PLA2G4E: variants seen among roughly 807,000 people sequenced by gnomAD.
PLA2G4E encodes the protein phospholipase A2 group IVE, also known as cytosolic phospholipase A2 epsilon.
A neutral mutation model predicts 109.1 loss-of-function variants in PLA2G4E; 84 were observed. The observed-to-expected ratio is 0.77, with a 90% CI of 0.65 to 0.92. The LOEUF is 0.92. PLA2G4E is among the 40% of genes least tolerant of loss of function. The pLI is 0.00. For missense variants in PLA2G4E, 1,057 were observed against 1,076.6 expected (o/e 0.98, Z 0.25); for synonymous variants, 469 against 436.1 (o/e 1.08, Z -0.94).
intron 7 of PLA2G4E, 43 bp from the exon 8 acceptor site, chr15:42,000,325 C>A: frequency 6.6e-7 from 1 of 1,514,180 alleles, no homozygotes; most frequent in South Asian, 1.3e-5. Flanking sequence ...GAGCCTCTCA[C>A]TACCCACCTG....
chr15:42,047,474 A>G (rs752288268), intron 1 of PLA2G4E, among the ~76,000 whole-genome samples: 1 of 152,196 alleles, frequency 6.6e-6, no homozygotes, highest in Non-Finnish European at 1.5e-5. Flanking sequence ...ACATGAATTC[A>G]TCCATGAGGG....
At chr15:41,999,119 T>G (rs2068385203) in intron 10 of PLA2G4E, 1 of 153,682 alleles carries the variant, frequency 6.5e-6, no homozygotes, top group Admixed American at 6.5e-5. Flanking sequence ...GATTTCTGGT[T>G]TCTTAGATAT....
At chr15:42,007,927 G>A in intron 2 of PLA2G4E, 62 bp from the exon 3 acceptor site, 1 of 1,528,478 alleles carries the variant, frequency 6.5e-7, no homozygotes, top group Non-Finnish European at 8.9e-7. Flanking sequence ...AGTCAAAAGG[G>A]AACTTCAGGC....
chr15:41,992,913 A>G lies in PLA2G4E; in HGVS notation c.1294T>C (p.Leu432=), dbSNP rs766617060. 8 of 1,613,760 alleles carry G rather than the reference A, an allele frequency of 5.0e-6. No individual in the cohort carries two copies. In the African/African-American group the frequency reaches 8.0e-5, roughly 16 times the overall value. Residue 432 remains leucine, a synonymous_variant, in exon 13 of 20, where the codon TTG becomes CTG. Transcript: ENST00000399518. ...CGAGCCTCAAAGATAGCAGGCTCCA[A>G]GTTTTTGGAGGACCAGTCAGGGTCA...
chr15:41,990,298 A>G, intron 13 of PLA2G4E, 63 bp from the exon 14 acceptor site: 2 of 1,450,452 alleles, frequency 1.4e-6, no homozygotes, highest in Non-Finnish European at 1.9e-6. Context: ...GGCAGTGCAG[A>G]ATGAGAAGAC....
At chr15:42,044,101 G>A (rs1048868918) in intron 1 of PLA2G4E, among the ~76,000 whole-genome samples, 6 of 152,310 alleles carry the variant, frequency 3.9e-5, no homozygotes, top group East Asian at 1.9e-4. Flanking sequence ...TACAGGTTCC[G>A]AGTATCAAAA....
At chr15:42,046,828 ACACAGGGCAGGAGATGGTAACTCCTC>A (rs1227404915) in intron 1 of PLA2G4E, among the ~76,000 whole-genome samples, 1 of 152,160 alleles carries the variant, frequency 6.6e-6, no homozygotes, top group East Asian at 1.9e-4. Flanking sequence ...TTATCTAAGA[ACACAGGGCAGGAGATGGTAACTCCTC>A]CACAGGGCAG....
chr15:42,049,014 A>T (rs1431420737), intron 1 of PLA2G4E, among the ~76,000 whole-genome samples: 1 of 152,234 alleles, frequency 6.6e-6, no homozygotes, highest in Non-Finnish European at 1.5e-5. Flanking sequence ...AGCTCGCCCC[A>T]GTTCCCATCC....
chr15:42,044,712 C>T (rs1477991778), intron 1 of PLA2G4E, among the ~76,000 whole-genome samples: 5 of 151,218 alleles, frequency 3.3e-5, no homozygotes, highest in African/African-American at 1.2e-4. Flanking sequence ...TGCAGCACAC[C>T]AACGTGGCAC....
In PLA2G4E at chr15:42,001,223, G is replaced by A. The variant is rs760861938; in HGVS notation, c.610-3C>T. On this transcript the variant is annotated splice_polypyrimidine_tract_variant and splice_region_variant and intron_variant, in intron 6 of 19. Coordinates refer to ENST00000399518, the Ensembl canonical transcript of PLA2G4E. ...TCCAGGCAGGAGACTTGTCGAGACTGTAAAAAACAAAGGAGGGTCACAGAG... is the reference window on the plus strand; with the variant it reads ...TCCAGGCAGGAGACTTGTCGAGACTATAAAAAACAAAGGAGGGTCACAGAG... 4.3e-6 allele frequency: 7 copies of A among 1,611,940 alleles called. No homozygotes were observed. In the African/African-American group the frequency reaches 5.3e-5, roughly 12 times the overall value.
chr15:42,004,834 G>T, intron 5 of PLA2G4E, 104 bp downstream of exon 5: 1 of 1,218,084 alleles, frequency 8.2e-7, no homozygotes, highest in Non-Finnish European at 1.2e-6. Flanking sequence ...GAGACTGGAA[G>T]AGGGTGAGGC....
At chr15:41,996,223 C>G (rs1339275847) in intron 11 of PLA2G4E, among the ~76,000 whole-genome samples, 1 of 151,964 alleles carries the variant, frequency 6.6e-6, no homozygotes, top group Non-Finnish European at 1.5e-5. Context: ...TGGCTCATTC[C>G]TGGAGTCCCA....
intron 5 of PLA2G4E, among the ~76,000 whole-genome samples, chr15:42,003,902 T>C (rs902220414): frequency 6.6e-6 from 1 of 151,380 alleles, no homozygotes; most frequent in Admixed American, 6.6e-5. Context: ...CTTTCCTTGC[T>C]TTCCTTCCTT....
intron 1 of PLA2G4E, among the ~76,000 whole-genome samples, chr15:42,022,431 T>C (rs1375018446): frequency 6.6e-6 from 1 of 152,120 alleles, no homozygotes; most frequent in African/African-American, 2.4e-5. Flanking sequence ...TCTATTATTA[T>C]CATATTGTCA....
At chr15:42,026,134 C>A (rs987162171) in intron 1 of PLA2G4E, among the ~76,000 whole-genome samples, 2 of 151,956 alleles carry the variant, frequency 1.3e-5, no homozygotes, top group African/African-American at 4.8e-5. Flanking sequence ...TCATGCATAA[C>A]AAAATCACTT....
chr15:41,989,998 A>T (rs779940390), intron 14 of PLA2G4E, 123 bp downstream of exon 14: 1 of 772,402 alleles, frequency 1.3e-6, no homozygotes. Flanking sequence ...CTGTGTGCAC[A>T]GTCTGGATGT....
rs148147242 is a variant in PLA2G4E, at chr15:42,035,555, G to C, written c.183+14966C>G. Reference sequence around the variant, plus strand: ...GGCAGGCAGGATGGGGCAGGCCCAGGGGATGTTGCAAAACAGCCACAGGAA... The same window carrying C: ...GGCAGGCAGGATGGGGCAGGCCCAGCGGATGTTGCAAAACAGCCACAGGAA... On this transcript the variant is annotated intron_variant, in intron 1 of 19. Transcript: ENST00000399518. Among the ~76,000 whole-genome samples the C allele has an allele frequency of 1.4e-4, 21 of 152,320 alleles. No individual in the cohort carries two copies. The East Asian group carries it at 4.1e-3, about 29-fold the overall frequency.
intron 5 of PLA2G4E, among the ~76,000 whole-genome samples, chr15:42,004,469 G>A (rs2068454080): frequency 6.6e-6 from 1 of 152,150 alleles, no homozygotes; most frequent in Non-Finnish European, 1.5e-5. Context: ...AGGTGGGCCT[G>A]AGCCTCCCAT....
chr15:41,999,668 C>T (rs2068392763), intron 9 of PLA2G4E, 107 bp from the exon 10 acceptor site: 1 of 1,356,330 alleles, frequency 7.4e-7, no homozygotes, highest in Non-Finnish European at 1.0e-6. Context: ...CGTGCACACA[C>T]AGGCGCTCCA....
Sources: allele counts gnomAD v4.1 joint callset (sites outside exome capture counted in the v4.1 genomes callset), GRCh38; gene constraint gnomAD v4.1.1; transcripts MANE v1.5; gene names NCBI Gene and HGNC (gene_info 2026-07-23, HGNC 2026-07-21).